The following MYZAP variants were observed in gnomAD, a reference collection of about 807,000 sequenced individuals.
MYZAP encodes myocardial zonula adherens protein.
A neutral mutation model predicts 69.4 loss-of-function variants in MYZAP; 66 were observed. The ratio of observed to expected loss-of-function variants is 0.95; its 90% confidence interval spans 0.78 to 1.17. The LOEUF is 1.17. Among genes scored for constraint, MYZAP ranks in the 50% most tolerant of loss-of-function variants. MYZAP has a pLI of 0.00. For missense variants in MYZAP, 611 were observed against 556.2 expected (o/e 1.10, Z -0.99); for synonymous variants, 256 against 205.9 (o/e 1.24, Z -2.09).
intron 10 of MYZAP, among the ~76,000 whole-genome samples, chr15:57,654,627 C>G (rs545076856): frequency 6.6e-6 from 1 of 152,304 alleles, no homozygotes; most frequent in East Asian, 1.9e-4. Flanking sequence ...AGTTATGTTT[C>G]ATGAGTCTTG....
At chr15:57,657,446 A>G (rs2038063795) in intron 10 of MYZAP, among the ~76,000 whole-genome samples, 1 of 152,200 alleles carries the variant, frequency 6.6e-6, no homozygotes, top group South Asian at 2.1e-4. Flanking sequence ...GAAGTATTGC[A>G]TTTATCCAAC....
At chr15:57,636,370 C>T (rs2036818155) in intron 8 of MYZAP, among the ~76,000 whole-genome samples, 1 of 152,210 alleles carries the variant, frequency 6.6e-6, no homozygotes, top group Admixed American at 6.5e-5. Context: ...ATTCTTCCTG[C>T]TTAAGGTGGA....
In MYZAP at chr15:57,673,394, C is replaced by CATTGCTGGG. The variant is rs1381207903; in HGVS notation, c.1204-1573_1204-1565dup. Among the ~76,000 whole-genome samples, 3 of 151,720 alleles carry CATTGCTGGG rather than the reference C, an allele frequency of 2.0e-5. 1 individual carries two copies. Among genetic ancestry groups the CATTGCTGGG allele is most frequent in the Admixed American group, 2.0e-4 (3 of 15,226 alleles). Reference sequence around the variant, plus strand: ...TTTTTTATAAATTGGAGAGTTCAGACATTGCTGGGGAAGCTCACTGTCTCT... The same window carrying CATTGCTGGG: ...TTTTTTATAAATTGGAGAGTTCAGACATTGCTGGGATTGCTGGGGAAGCTCACTGTCTCT... On this transcript the variant is annotated intron_variant, in intron 11 of 12. Transcript: ENST00000267853.
At chr15:57,675,657 C>T (rs1342153907) in intron 12 of MYZAP, among the ~76,000 whole-genome samples, 1 of 152,088 alleles carries the variant, frequency 6.6e-6, no homozygotes, top group Non-Finnish European at 1.5e-5. Flanking sequence ...CTGGTTTGTT[C>T]AGTTACATTC....
chr15:57,640,669 G>A (rs2037098339), intron 10 of MYZAP, among the ~76,000 whole-genome samples: 2 of 152,194 alleles, frequency 1.3e-5, no homozygotes, highest in African/African-American at 4.8e-5. Flanking sequence ...AGAGAATTGT[G>A]AGTATGGGAA....
At chr15:57,671,690 A>G (rs1161484612) in intron 11 of MYZAP, among the ~76,000 whole-genome samples, 1 of 152,118 alleles carries the variant, frequency 6.6e-6, no homozygotes, top group Non-Finnish European at 1.5e-5. Flanking sequence ...TTTAAAAAAA[A>G]ATTCAGGTAT....
chr15:57,604,799 C>T (rs1595855991), intron 2 of MYZAP, among the ~76,000 whole-genome samples: 1 of 152,222 alleles, frequency 6.6e-6, no homozygotes, highest in Non-Finnish European at 1.5e-5. Context: ...CAGGCTGGTG[C>T]AGGGAAAGGG....
At chr15:57,669,308 G>C (rs1259879695) in intron 11 of MYZAP, among the ~76,000 whole-genome samples, 1 of 152,078 alleles carries the variant, frequency 6.6e-6, no homozygotes, top group Non-Finnish European at 1.5e-5. Context: ...GTTCTCCTGT[G>C]ATTTCCCCTA....
intron 6 of MYZAP, 90 bp downstream of exon 6, chr15:57,629,944 C>T (rs2036397319): frequency 9.0e-6 from 13 of 1,446,286 alleles, no homozygotes; most frequent in East Asian, 2.6e-5. Context: ...CTTTCCATTT[C>T]CTTTTCTCCA....
At chr15:57,645,261 G>A (rs2037383231) in intron 10 of MYZAP, among the ~76,000 whole-genome samples, 1 of 152,206 alleles carries the variant, frequency 6.6e-6, no homozygotes, top group South Asian at 2.1e-4. Context: ...TAATGCAGCA[G>A]TTCCTTGGGG....
intron 6 of MYZAP, among the ~76,000 whole-genome samples, chr15:57,631,428 G>C (rs1255364364): frequency 6.8e-6 from 1 of 146,212 alleles, no homozygotes; most frequent in Non-Finnish European, 1.5e-5. Flanking sequence ...AGTTAAAAAG[G>C]TTTCTCCTAC....
intron 1 of MYZAP, among the ~76,000 whole-genome samples, chr15:57,602,629 C>A (rs1355504083): frequency 6.6e-6 from 1 of 152,206 alleles, no homozygotes; most frequent in Non-Finnish European, 1.5e-5. Context: ...GCCAACAGCA[C>A]TCCCGCGAAC....
At chr15:57,661,337 T>C in intron 10 of MYZAP, 113 bp from the exon 11 acceptor site, 1 of 827,012 alleles carries the variant, frequency 1.2e-6, no homozygotes, top group Non-Finnish European at 1.9e-6. Context: ...TGAGGAAAAA[T>C]AGAAATAGAA....
chr15:57,676,392 TGTTGA>T (rs2039114019), intron 12 of MYZAP, among the ~76,000 whole-genome samples: 1 of 141,016 alleles, frequency 7.1e-6, no homozygotes, highest in African/African-American at 2.6e-5. Flanking sequence ...TAATAGAAAA[TGTTGA>T]ATATATATAT....
intron 1 of MYZAP, among the ~76,000 whole-genome samples, chr15:57,596,077 T>C (rs1224045521): frequency 1.3e-5 from 2 of 152,206 alleles, no homozygotes; most frequent in African/African-American, 4.8e-5. Flanking sequence ...CCTTGTTTGA[T>C]AGAGGATGAA....
intron 11 of MYZAP, among the ~76,000 whole-genome samples, chr15:57,668,890 ATATATTT>A (rs778239644): frequency 9.0e-6 from 1 of 111,698 alleles, no homozygotes. Flanking sequence ...ATATATATAT[ATATATTT>A]TTTTTTTTTT....
At chr15:57,595,140 A>G (rs1301392570) in intron 1 of MYZAP, among the ~76,000 whole-genome samples, 2 of 152,174 alleles carry the variant, frequency 1.3e-5, no homozygotes, top group African/African-American at 2.4e-5. Context: ...CCTTTGTTCA[A>G]TGGCTGCCAC....
chr15:57,665,328 C>T (rs941342478), intron 11 of MYZAP, among the ~76,000 whole-genome samples: 7 of 152,118 alleles, frequency 4.6e-5, no homozygotes, highest in African/African-American at 1.2e-4. Flanking sequence ...CAGTTGGCCC[C>T]GATATTTGCA....
In MYZAP at chr15:57,684,637, T is replaced by G; in HGVS notation, c.*139T>G. On this transcript the variant is annotated 3_prime_UTR_variant, in exon 13 of 13. Coordinates refer to ENST00000267853, the MANE Select transcript of MYZAP (RefSeq NM_001018100.5). Reference sequence around the variant, plus strand: ...GGGAATCGCTGAGGCTCTGATCCACTTCTAAGACAGGAAGGAAAGTGAAGG... The same window carrying G: ...GGGAATCGCTGAGGCTCTGATCCACGTCTAAGACAGGAAGGAAAGTGAAGG... 1 of 633,604 alleles carries G rather than the reference T, an allele frequency of 1.6e-6. No homozygotes were observed. The highest frequency in any genetic ancestry group is 2.0e-5 in the South Asian group (1 of 49,676). The allele number at this position is 633,604 out of a possible 1,614,324, so 39.2% of individuals were successfully genotyped here.
Sources: gnomAD v4.1 joint callset for allele counts (sites outside exome capture counted in the v4.1 genomes callset) on GRCh38, gnomAD v4.1.1 for gene constraint, MANE v1.5 for transcripts, NCBI Gene and HGNC (gene_info 2026-07-23, HGNC 2026-07-21) for gene names.